TTC23: variants seen among roughly 807,000 people sequenced by gnomAD.
TTC23 encodes the protein tetratricopeptide repeat protein 23.
A neutral mutation model predicts 55.1 loss-of-function variants in TTC23; 58 were observed. The observed-to-expected ratio is 1.05, with a 90% CI of 0.85 to 1.31. TTC23 has a LOEUF of 1.31. Among genes scored for constraint, TTC23 ranks in the 50% most tolerant of loss-of-function variants. The pLI is 0.00. For missense variants in TTC23, 516 were observed against 534.4 expected, an observed-to-expected ratio of 0.97 and a Z score of 0.34; for synonymous variants, 203 against 199.9, an observed-to-expected ratio of 1.02 and a Z score of -0.13.
intron 8 of TTC23, among the ~76,000 whole-genome samples, chr15:99,213,445 G>C (rs1350403703): frequency 1.3e-5 from 2 of 152,166 alleles, no homozygotes; most frequent in Non-Finnish European, 2.9e-5. Flanking sequence ...AGGTGCCAGA[G>C]GATCATTTAC....
Position 99,200,074 on chromosome 15 carries a change from A to G in TTC23, c.604T>C (p.Ser202Pro), listed in dbSNP as rs148888100. 12 of 1,611,382 alleles carry G rather than the reference A, an allele frequency of 7.4e-6. No homozygotes were observed. The African/African-American group carries it at 1.5e-4, about 20-fold the overall frequency. ...FAQVYQGQKKSKEALSHYQAA... is the reference protein window; with the variant it reads ...FAQVYQGQKKPKEALSHYQAA... ...TGATAGTGGGACAAAGCTTCTTTTG[A>G]CTTCTTCTGACCTTGATACACCCTA... is the stretch of plus-strand genomic sequence containing the variant. Residue 202 changes from serine to proline, a missense_variant, in exon 9 of 14, where the codon TCA (serine) becomes CCA (proline). Ser to Pro is a moderately conservative substitution (Grantham distance 74, BLOSUM62 -1). Coordinates refer to ENST00000394132, the MANE Select transcript of TTC23 (RefSeq NM_001288615.3).
chr15:99,192,331 C>T (rs534773392), intron 9 of TTC23, among the ~76,000 whole-genome samples: 235 of 152,264 alleles, frequency 1.5e-3, no homozygotes, highest in African/African-American at 4.8e-3. Context: ...CACAGTCCCT[C>T]CCATCACAGG....
intron 12 of TTC23, among the ~76,000 whole-genome samples, chr15:99,143,074 A>G (rs1487538731): frequency 6.6e-6 from 1 of 152,178 alleles, no homozygotes; most frequent in African/African-American, 2.4e-5. Context: ...CAGCTAGGAG[A>G]CAGAAACAAA....
At chr15:99,197,952 C>T (rs1450043106) in intron 9 of TTC23, among the ~76,000 whole-genome samples, 1 of 151,914 alleles carries the variant, frequency 6.6e-6, no homozygotes, top group Admixed American at 6.6e-5. Flanking sequence ...GAGGACACTA[C>T]TTTCATTTTC....
upstream of TTC23, among the ~76,000 whole-genome samples, chr15:99,250,828 C>A (rs950049128): frequency 2.6e-5 from 4 of 152,174 alleles, no homozygotes; most frequent in African/African-American, 7.2e-5. Flanking sequence ...TCCTCCTCAT[C>A]TTTGTTATCT....
At chr15:99,166,474 G>A (rs1253964972) in intron 10 of TTC23, among the ~76,000 whole-genome samples, 1 of 152,150 alleles carries the variant, frequency 6.6e-6, no homozygotes, top group East Asian at 1.9e-4. Flanking sequence ...ATTTTCCAAA[G>A]AGGATGCTTG....
chr15:99,148,304 T>G (rs1285957676), intron 12 of TTC23, among the ~76,000 whole-genome samples: 1 of 123,128 alleles, frequency 8.1e-6, no homozygotes, highest in African/African-American at 3.1e-5. Flanking sequence ...GAGGTTGCAG[T>G]GAGCCGAGAT....
At chr15:99,184,495 A>G (rs774379541) in intron 9 of TTC23, among the ~76,000 whole-genome samples, 5 of 152,182 alleles carry the variant, frequency 3.3e-5, no homozygotes, top group Non-Finnish European at 7.3e-5. Context: ...TTTTAGAACT[A>G]TAAGGTTTAA....
chr15:99,214,234 G>A (rs2077266741), intron 8 of TTC23, among the ~76,000 whole-genome samples: 1 of 151,880 alleles, frequency 6.6e-6, no homozygotes, highest in Non-Finnish European at 1.5e-5. Flanking sequence ...CCGGCCGGGT[G>A]CGGTGGCTCA....
intron 9 of TTC23, among the ~76,000 whole-genome samples, chr15:99,186,403 A>G (rs778258020): frequency 2.0e-5 from 3 of 152,168 alleles, no homozygotes; most frequent in Admixed American, 6.6e-5. Context: ...GTTTTAAAAC[A>G]CTCTCTAATC....
chr15:99,166,384 T>C (rs979724917), intron 10 of TTC23, among the ~76,000 whole-genome samples: 2 of 152,124 alleles, frequency 1.3e-5, no homozygotes, highest in Admixed American at 6.5e-5. Context: ...CAGAGAAGCT[T>C]TGAGGGAGGA....
upstream of TTC23, among the ~76,000 whole-genome samples, chr15:99,250,481 T>C (rs758189226): frequency 2.0e-5 from 3 of 152,174 alleles, no homozygotes; most frequent in Non-Finnish European, 4.4e-5. Context: ...TAGACAGGCT[T>C]TCCACAGAAC....
chr15:99,197,190 C>T lies in TTC23; in HGVS notation c.759+2729G>A, dbSNP rs1353332801. 2.6e-5 allele frequency among the ~76,000 whole-genome samples: 4 copies of T among 152,096 alleles called. No individual in the cohort carries two copies. The East Asian group carries it at 7.7e-4, about 29-fold the overall frequency. ...CGATCTCAGCTCACTGCAAGCTCCG[C>T]CTCCCAGGCTCACGCCATTCTCCTG... On this transcript the variant is annotated intron_variant, in intron 9 of 13. Transcript: ENST00000394132.
At chr15:99,164,019 T>C (rs1360608979) in intron 10 of TTC23, among the ~76,000 whole-genome samples, 1 of 152,240 alleles carries the variant, frequency 6.6e-6, no homozygotes, top group East Asian at 1.9e-4. Flanking sequence ...TAAGGGTGTC[T>C]ATCCAGAGGT....
chr15:99,235,944 G>A (rs2079285387), intron 3 of TTC23, among the ~76,000 whole-genome samples: 1 of 152,152 alleles, frequency 6.6e-6, no homozygotes, highest in Non-Finnish European at 1.5e-5. Flanking sequence ...TTAGCATAAT[G>A]CCTTCAAAGT....
At chr15:99,190,818 G>A (rs2075188888) in intron 9 of TTC23, among the ~76,000 whole-genome samples, 1 of 152,040 alleles carries the variant, frequency 6.6e-6, no homozygotes, top group South Asian at 2.1e-4. Context: ...GAAGTGCAGT[G>A]GCGTCCAGGT....
chr15:99,219,667 T>C (rs1308667757), intron 6 of TTC23, among the ~76,000 whole-genome samples: 2 of 152,064 alleles, frequency 1.3e-5, no homozygotes, highest in Non-Finnish European at 2.9e-5. Context: ...AATTCCCCAG[T>C]GTGTTCCAGT....
At chr15:99,247,685 G>A (rs2080369058) in intron 1 of TTC23, among the ~76,000 whole-genome samples, 1 of 152,072 alleles carries the variant, frequency 6.6e-6, no homozygotes, top group African/African-American at 2.4e-5. Context: ...AGTGATTGGG[G>A]CTGGGGATAG....
intron 12 of TTC23, chr15:99,148,394 C>CTTAGCGT: frequency 1.5e-5 from 1 of 66,434 alleles, no homozygotes; most frequent in Non-Finnish European, 3.6e-5. Flanking sequence ...AAAAGACCTT[C>CTTAGCGT]TTAGCGTTGG....
Sources: gnomAD v4.1 joint callset for allele counts (sites outside exome capture counted in the v4.1 genomes callset) on GRCh38, gnomAD v4.1.1 for gene constraint, MANE v1.5 for transcripts, NCBI Gene and HGNC (gene_info 2026-07-23, HGNC 2026-07-21) for gene names.